The following SLC4A4 variants were observed in gnomAD, a reference collection of about 807,000 sequenced individuals.
SLC4A4 encodes the protein solute carrier family 4 member 4.
In SLC4A4, 27 loss-of-function variants were observed where a neutral mutation model predicts 111.5. The observed-to-expected ratio is 0.24, with a 90% CI of 0.18 to 0.33. The LOEUF (loss-of-function observed/expected upper bound fraction) is 0.33, where lower values mean the gene tolerates loss of function less well. SLC4A4 is among the 10% of genes least tolerant of loss of function. The pLI is 1.00. For missense variants in SLC4A4, 909 were observed against 1,315.5 expected, an observed-to-expected ratio of 0.69 and a Z score of 4.78; for synonymous variants, 443 against 463.4, an observed-to-expected ratio of 0.96 and a Z score of 0.57.
intron 3 of SLC4A4, among the ~76,000 whole-genome samples, chr4:71,307,695 A>G (rs1479162243): frequency 6.6e-6 from 1 of 152,250 alleles, no homozygotes; most frequent in Admixed American, 6.5e-5. Context: ...ATGTTGTCTG[A>G]TAAATGGAAG....
intron 2 of SLC4A4, among the ~76,000 whole-genome samples, chr4:71,132,640 A>G (rs535837728): frequency 3.5e-4 from 54 of 152,310 alleles, no homozygotes; most frequent in African/African-American, 1.3e-3. Context: ...TAAGATCTTG[A>G]TGACTATTAC....
chr4:71,568,048 C>A lies in SLC4A4; in HGVS notation c.*297C>A. The A allele has an allele frequency of 1.7e-6, 1 of 581,034 alleles. No homozygotes were observed. Among genetic ancestry groups the A allele is most frequent in the Non-Finnish European group, 3.1e-6 (1 of 324,090 alleles). The allele number at this position is 581,034 out of a possible 1,614,324, so 36.0% of individuals were successfully genotyped here. ...TGCTTCTCTCTTGCATAGACACAAT[C>A]AAGACAATAGTGCACCGTTCCTTAA... On this transcript the variant is annotated 3_prime_UTR_variant, in exon 26 of 26. Coordinates refer to ENST00000264485, the MANE Select transcript of SLC4A4 (RefSeq NM_001098484.3).
intron 1 of SLC4A4, among the ~76,000 whole-genome samples, chr4:71,087,342 T>C (rs1228793135): frequency 6.6e-6 from 1 of 152,008 alleles, no homozygotes; most frequent in Non-Finnish European, 1.5e-5. Context: ...TTGTTGATCT[T>C]TTCAAAAAAC....
intron 1 of SLC4A4, among the ~76,000 whole-genome samples, chr4:71,091,012 A>G (rs1742370788): frequency 6.6e-6 from 1 of 152,182 alleles, no homozygotes; most frequent in South Asian, 2.1e-4. Flanking sequence ...CAGTGGTACA[A>G]TCTCAGCTGC....
chr4:71,174,304 C>T (rs960388791), intron 2 of SLC4A4, among the ~76,000 whole-genome samples: 5 of 150,432 alleles, frequency 3.3e-5, no homozygotes, highest in Middle Eastern at 3.4e-3. Flanking sequence ...CCTCTGAGCA[C>T]AGAGGTATGA....
chr4:71,145,307 A>T (rs560014918), intron 2 of SLC4A4, among the ~76,000 whole-genome samples: 23 of 152,166 alleles, frequency 1.5e-4, no homozygotes, highest in Non-Finnish European at 1.3e-4. Flanking sequence ...CCACTTGATC[A>T]TGGTGGATAA....
At position 71,288,077 on chromosome 4, in the gene SLC4A4, G is replaced by T. The variant is rs7670297; in HGVS notation, c.253+32678G>T. Among the ~76,000 whole-genome samples, 1,149 of 152,108 alleles carry T rather than the reference G, an allele frequency of 7.6e-3. 18 individuals carry two copies. Among genetic ancestry groups the T allele is most frequent in the African/African-American group, 0.027 (1,101 of 41,472 alleles). ...TCTATCCACTGAGATGCATTTATCA[G>T]CTGTCCATATTCATTTAGCTTCTAA... On this transcript the variant is annotated intron_variant, in intron 3 of 25. Transcript: ENST00000264485.
At chr4:71,076,403 A>G (rs7442195) in intron 1 of SLC4A4, among the ~76,000 whole-genome samples, 121,362 of 151,934 alleles carry the variant, frequency 0.8, 48,579 homozygotes, top group Admixed American at 0.85. Flanking sequence ...ATGGTGGCAC[A>G]TGCCTATAAT....
At chr4:71,293,093 G>A (rs1040241454) in intron 3 of SLC4A4, among the ~76,000 whole-genome samples, 2 of 149,704 alleles carry the variant, frequency 1.3e-5, no homozygotes, top group Admixed American at 6.6e-5. Context: ...CACCCGCTTC[G>A]GCCTCCCAAA....
chr4:71,341,467 G>A (rs897291335), intron 4 of SLC4A4, among the ~76,000 whole-genome samples: 6 of 151,966 alleles, frequency 3.9e-5, no homozygotes, highest in Non-Finnish European at 5.9e-5. Context: ...TTTAAAAATC[G>A]CTTTAATCAA....
At chr4:71,172,874 C>T (rs1465520988) in intron 2 of SLC4A4, among the ~76,000 whole-genome samples, 14 of 152,156 alleles carry the variant, frequency 9.2e-5, no homozygotes, top group Non-Finnish European at 5.9e-5. Flanking sequence ...AGTAGTCCTC[C>T]CCTTAACCAC....
At chr4:71,148,730 G>T (rs936391578) in intron 2 of SLC4A4, among the ~76,000 whole-genome samples, 1 of 152,198 alleles carries the variant, frequency 6.6e-6, no homozygotes, top group Non-Finnish European at 1.5e-5. Context: ...ACATGATCTT[G>T]TTCTTTTTTA....
intron 8 of SLC4A4, among the ~76,000 whole-genome samples, chr4:71,443,116 CTATA>C (rs1168996571): frequency 0.018 from 1,182 of 65,402 alleles, 18 homozygotes; most frequent in Non-Finnish European, 0.02. Flanking sequence ...CTCTCTCTCT[CTATA>C]TATATATATA....
intron 2 of SLC4A4, among the ~76,000 whole-genome samples, chr4:71,152,580 C>A (rs77687165): frequency 0.013 from 1,972 of 152,180 alleles, 48 homozygotes; most frequent in African/African-American, 0.045. Flanking sequence ...TCTTAATGGG[C>A]ATTTGGGTTC....
intron 2 of SLC4A4, among the ~76,000 whole-genome samples, chr4:71,124,055 TG>T (rs1365631163): frequency 6.6e-6 from 1 of 152,170 alleles, no homozygotes; most frequent in African/African-American, 2.4e-5. Flanking sequence ...CATGTTTATT[TG>T]GGTGGTTGTG....
intron 7 of SLC4A4, among the ~76,000 whole-genome samples, chr4:71,434,756 A>G (rs1227332076): frequency 6.6e-6 from 1 of 152,176 alleles, no homozygotes; most frequent in Non-Finnish European, 1.5e-5. Flanking sequence ...AAAAATCACA[A>G]GCATTCCTAT....
chr4:71,486,101 A>G (rs1729375481), intron 14 of SLC4A4, among the ~76,000 whole-genome samples: 1 of 151,580 alleles, frequency 6.6e-6, no homozygotes, highest in Admixed American at 6.6e-5. Flanking sequence ...ACCCTAAACA[A>G]ACAAACAAAT....
At chr4:71,376,152 TATATACACAC>T (rs1387247997) in intron 6 of SLC4A4, among the ~76,000 whole-genome samples, 2 of 55,694 alleles carry the variant, frequency 3.6e-5, no homozygotes, top group African/African-American at 1.3e-4. Flanking sequence ...TATACCTGTA[TATATACACAC>T]ACACACACAC....
chr4:71,138,626 C>A (rs1275543660), intron 2 of SLC4A4, among the ~76,000 whole-genome samples: 1 of 152,214 alleles, frequency 6.6e-6, no homozygotes, highest in Non-Finnish European at 1.5e-5. Context: ...CTTTTCTGGA[C>A]TGACTGTATG....
Sources: allele counts gnomAD v4.1 joint callset (sites outside exome capture counted in the v4.1 genomes callset), GRCh38; gene constraint gnomAD v4.1.1; transcripts MANE v1.5; gene names NCBI Gene and HGNC (gene_info 2026-07-23, HGNC 2026-07-21).